The following NEK10 variants were observed in gnomAD, a reference collection of about 807,000 sequenced individuals.
NEK10 encodes serine/threonine-protein kinase Nek10.
In NEK10, 122 loss-of-function variants were observed where a neutral mutation model predicts 159.8. The ratio of observed to expected loss-of-function variants is 0.76; its 90% confidence interval spans 0.66 to 0.89. NEK10 has a LOEUF of 0.89. Ranked by LOEUF, NEK10 falls within the 40% of genes least tolerant of loss-of-function variation. The pLI is 0.00. For missense variants in NEK10, 1,342 were observed against 1,323.1 expected, an observed-to-expected ratio of 1.01 and a Z score of -0.22; for synonymous variants, 466 against 457.1, an observed-to-expected ratio of 1.02 and a Z score of -0.25.
rs185675243 is a variant in NEK10 at position 27,275,174 on chromosome 3, C to T, written c.2014+9428G>A. On this transcript the variant is annotated intron_variant, in intron 22 of 35. Transcript: ENST00000691995. ...GGATAACAATTGTCAGGGTTGGAAA[C>T]TAACCCCATCTGGCTCTAACTTTGT... is the stretch of plus-strand genomic sequence containing the variant. Among the ~76,000 whole-genome samples the T allele has an allele frequency of 2.6e-4, 39 of 152,296 alleles. No individual in the cohort carries two copies. The East Asian group carries it at 4.4e-3, about 17-fold the overall frequency.
chr3:27,204,195 G>A (rs1950284171), intron 23 of NEK10, among the ~76,000 whole-genome samples: 2 of 146,908 alleles, frequency 1.4e-5, no homozygotes, highest in South Asian at 4.3e-4. Flanking sequence ...CCTATCTTTG[G>A]TGTGCTTTCA....
At chr3:27,284,535 G>A in intron 22 of NEK10, 67 bp downstream of exon 22, 1 of 897,474 alleles carries the variant, frequency 1.1e-6, no homozygotes, top group Admixed American at 1.8e-5. Flanking sequence ...AGTTCTACTG[G>A]ACACTACTAC....
chr3:27,162,550 G>T (rs1946113906), intron 30 of NEK10, 151 bp downstream of exon 30: 1 of 1,614,018 alleles, frequency 6.2e-7, no homozygotes. Context: ...CTTAATGTGG[G>T]CCCTGAGCAT....
At chr3:27,232,068 A>G (rs1052292698) in intron 23 of NEK10, among the ~76,000 whole-genome samples, 1 of 151,950 alleles carries the variant, frequency 6.6e-6, no homozygotes, top group African/African-American at 2.4e-5. Context: ...CCTGATGAAT[A>G]TAGATGGAAA....
chr3:27,350,036 G>T (rs2047855553), intron 3 of NEK10, among the ~76,000 whole-genome samples: 1 of 152,150 alleles, frequency 6.6e-6, no homozygotes, highest in Admixed American at 6.6e-5. Flanking sequence ...AGGGCATTCA[G>T]TTCTCTGCAC....
At chr3:27,165,282 AACAG>A (rs2148830194) in intron 29 of NEK10, among the ~76,000 whole-genome samples, 1 of 152,334 alleles carries the variant, frequency 6.6e-6, no homozygotes, top group East Asian at 1.9e-4. Context: ...TTCAAAATAG[AACAG>A]ACTCATTGTC....
chr3:27,306,342 G>C (rs6809900), intron 11 of NEK10, among the ~76,000 whole-genome samples: 1 of 151,908 alleles, frequency 6.6e-6, no homozygotes, highest in Non-Finnish European at 1.5e-5. Flanking sequence ...ATTCTCATAC[G>C]GCTTTCTCAT....
At chr3:27,243,255 A>C (rs1443924256) in intron 23 of NEK10, among the ~76,000 whole-genome samples, 1 of 152,174 alleles carries the variant, frequency 6.6e-6, no homozygotes, top group Non-Finnish European at 1.5e-5. Context: ...AAATATAAAA[A>C]TTAATAAAGT....
At chr3:27,231,020 G>A (rs1186940953) in intron 23 of NEK10, among the ~76,000 whole-genome samples, 1 of 151,844 alleles carries the variant, frequency 6.6e-6, no homozygotes, top group African/African-American at 2.4e-5. Flanking sequence ...GGACTTAACA[G>A]GTATTTACAG....
At chr3:27,206,848 A>G (rs1459392113) in intron 23 of NEK10, among the ~76,000 whole-genome samples, 1 of 152,196 alleles carries the variant, frequency 6.6e-6, no homozygotes, top group Non-Finnish European at 1.5e-5. Context: ...CCTGCAGGAC[A>G]AAGGCCTGAG....
intron 22 of NEK10, among the ~76,000 whole-genome samples, chr3:27,260,953 G>A (rs1013561968): frequency 6.6e-6 from 1 of 151,946 alleles, no homozygotes; most frequent in Non-Finnish European, 1.5e-5. Flanking sequence ...GTCTTGGGAG[G>A]GTGTATGTGT....
intron 22 of NEK10, among the ~76,000 whole-genome samples, chr3:27,268,347 T>A (rs1201120939): frequency 6.6e-6 from 1 of 152,220 alleles, no homozygotes; most frequent in African/African-American, 2.4e-5. Context: ...GAAGATGCCA[T>A]CTAGGACTTT....
intron 31 of NEK10, among the ~76,000 whole-genome samples, chr3:27,138,981 C>CT (rs1943507651): frequency 6.6e-6 from 1 of 152,150 alleles, no homozygotes; most frequent in Non-Finnish European, 1.5e-5. Flanking sequence ...AGCTTGGGTC[C>CT]TTTACAGCTC....
At chr3:27,239,216 T>A (rs1038867391) in intron 23 of NEK10, among the ~76,000 whole-genome samples, 1 of 152,118 alleles carries the variant, frequency 6.6e-6, no homozygotes, top group South Asian at 2.1e-4. Context: ...TTAAAATAAC[T>A]AAGAATGTTA....
intron 32 of NEK10, among the ~76,000 whole-genome samples, chr3:27,129,186 T>C (rs900728302): frequency 6.6e-6 from 1 of 152,078 alleles, no homozygotes; most frequent in Non-Finnish European, 1.5e-5. Flanking sequence ...CTAACTTAGG[T>C]GAGGTATAAA....
At chr3:27,113,618 T>C (rs1184267419) in intron 35 of NEK10, among the ~76,000 whole-genome samples, 1 of 152,132 alleles carries the variant, frequency 6.6e-6, no homozygotes, top group Non-Finnish European at 1.5e-5. Flanking sequence ...CAAATATAAC[T>C]GAATAATTTT....
chr3:27,166,162 T>C (rs895149870), intron 29 of NEK10, among the ~76,000 whole-genome samples: 1 of 152,190 alleles, frequency 6.6e-6, no homozygotes, highest in Non-Finnish European at 1.5e-5. Flanking sequence ...GGCAGTGACA[T>C]TCATAAATAT....
At chr3:27,136,698 G>A (rs1049464775) in intron 31 of NEK10, among the ~76,000 whole-genome samples, 1 of 152,102 alleles carries the variant, frequency 6.6e-6, no homozygotes, top group Admixed American at 6.5e-5. Flanking sequence ...TAAAAACAGA[G>A]GTCAAATCAG....
chr3:27,209,459 A>T (rs982829709), intron 23 of NEK10, among the ~76,000 whole-genome samples: 1 of 152,268 alleles, frequency 6.6e-6, no homozygotes, highest in Admixed American at 6.5e-5. Context: ...CTCATGTTGC[A>T]TGAAGCTATG....
Sources: gnomAD v4.1 joint callset for allele counts (sites outside exome capture counted in the v4.1 genomes callset) on GRCh38, gnomAD v4.1.1 for gene constraint, MANE v1.5 for transcripts, NCBI Gene and HGNC (gene_info 2026-07-23, HGNC 2026-07-21) for gene names.